ABCG4: variants seen among roughly 807,000 people sequenced by gnomAD.
ABCG4 encodes the protein ATP binding cassette subfamily G member 4.
In ABCG4, 35 loss-of-function variants were observed where a neutral mutation model predicts 64.6. The ratio of observed to expected loss-of-function variants is 0.54; its 90% confidence interval spans 0.41 to 0.72. ABCG4 has a LOEUF of 0.72. Among genes scored for constraint, ABCG4 ranks in the 30% least tolerant of loss-of-function variants. The pLI, the probability that ABCG4 is intolerant of heterozygous loss-of-function variation, is 0.00. For missense variants in ABCG4, 610 were observed against 846.3 expected (o/e 0.72, Z 3.46); for synonymous variants, 326 against 348.2 (o/e 0.94, Z 0.71).
intron 9 of ABCG4, among the ~76,000 whole-genome samples, chr11:119,157,785 G>A (rs1482022572): frequency 6.6e-6 from 1 of 152,188 alleles, no homozygotes; most frequent in Non-Finnish European, 1.5e-5. Context: ...AGAATGGCGT[G>A]AACCAGGGAG....
intron 12 of ABCG4, among the ~76,000 whole-genome samples, chr11:119,159,330 TAC>T (rs1326545933): frequency 6.6e-6 from 1 of 152,072 alleles, no homozygotes; most frequent in African/African-American, 2.4e-5. Context: ...CTACTAAAAA[TAC>T]AAAAATTAAC....
At chr11:119,153,761 T>A (rs1488662766) in intron 2 of ABCG4, 1 of 460,054 alleles carries the variant, frequency 2.2e-6, no homozygotes, top group African/African-American at 2.0e-5. Flanking sequence ...TCCACGCCCA[T>A]CCATGAGATG....
At position 119,158,830 on chromosome 11, in the gene ABCG4, C is replaced by A; in HGVS notation, c.1338C>A (p.Phe446Leu). 6.2e-7 allele frequency: 1 copy of A among 1,614,152 alleles called. No homozygotes were observed. The highest frequency in any genetic ancestry group is 8.5e-7 in the Non-Finnish European group (1 of 1,180,008). The stretch of plus-strand genomic sequence containing the variant: ...TGCCTAAGCAGCCTGTGTCCTCAGT[C>A]CCCTTAGAGATGGCGGTCTTCATGA... ...FAALMPTVLT[F>L]PLEMAVFMRE... is the part of the protein sequence containing the mutation. The change falls in exon 12 of 15, where the codon TTC becomes TTA. Residue 446 changes from phenylalanine to leucine, a missense_variant and splice_region_variant. Coordinates refer to ENST00000619701, the MANE Select transcript of ABCG4 (RefSeq NM_022169.5). This position sits in a 1 kb window ranked among gnomAD's most constrained non-coding sequence, Gnocchi z 4.5.
Position 119,162,404 on chromosome 11 carries a change from TGGGC to T in ABCG4, c.*1299_*1302del, listed in dbSNP as rs1948367035. The T allele has an allele frequency of 6.5e-6, 1 of 152,704 alleles. No homozygotes were observed. The highest frequency in any genetic ancestry group is 1.5e-5 in the Non-Finnish European group (1 of 68,104). 9.5% of individuals were successfully genotyped at this position (152,704 alleles called of 1,614,324 possible). ...ACTGTTCCTATCAGCAGGTGGCCCC[TGGGC>T]ATCAGAACAGCCTGCCCTGGGCACC... On this transcript the variant is annotated 3_prime_UTR_variant, in exon 15 of 15. Coordinates refer to ENST00000619701, the MANE Select transcript of ABCG4 (RefSeq NM_022169.5).
Position 119,156,208 on chromosome 11 carries a change from G to C in ABCG4, c.687-121G>C. The C allele has an allele frequency of 7.4e-7, 1 of 1,345,520 alleles. No homozygotes were observed. The highest frequency in any genetic ancestry group is 2.3e-5 in the East Asian group (1 of 43,414). 83.3% of individuals were successfully genotyped at this position (1,345,520 alleles called of 1,614,324 possible). A position where few individuals can be genotyped will look rare whatever the true frequency, so the allele number is the denominator to read the frequency against. ...CCTGAACCGTAAAGGATACAGATGC[G>C]GCCAGAGTGCCCTCTTCCTGCCAGC... is the stretch of plus-strand genomic sequence containing the variant. On this transcript the variant is annotated intron_variant, in intron 6 of 14. Coordinates refer to ENST00000619701, the MANE Select transcript of ABCG4 (RefSeq NM_022169.5). This position sits in a 1 kb window ranked among gnomAD's most constrained non-coding sequence, Gnocchi z 5.5.
In ABCG4 at chr11:119,154,095, C is replaced by T. The variant is rs1948230021; in HGVS notation, c.308C>T (p.Pro103Leu). The T allele has an allele frequency of 1.2e-6, 2 of 1,614,056 alleles. No homozygotes were observed. Among genetic ancestry groups the T allele is most frequent in the Admixed American group, 1.7e-5 (1 of 59,994 alleles). Residue 103 changes from proline to leucine, a missense_variant, in exon 3 of 15, where the codon CCC (proline) becomes CTC (leucine). Physicochemically the swap from Pro to Leu is moderately conservative, Grantham distance 98. Transcript: ENST00000619701. This position sits in a 1 kb window ranked among gnomAD's most constrained non-coding sequence, Gnocchi z 7.0. ...CGGGAGCTGATTGGCATCATGGGCC[C>T]CTCAGGGGCTGGCAAGTCTACATTC... is the stretch of plus-strand genomic sequence containing the variant. ...CRRELIGIMG[P>L]SGAGKSTFMN...
At position 119,156,025 on chromosome 11, in the gene ABCG4, C is replaced by G. The variant is rs1199140787; in HGVS notation, c.687-304C>G. ...GTTGCTACAGCACTTTCCACATTAC[C>G]CAAAATCATCTGTGTGCTTGTCTCT... On this transcript the variant is annotated intron_variant, in intron 6 of 14. Transcript: ENST00000619701. The surrounding 1 kb of genome is among the most constrained non-coding windows in gnomAD (Gnocchi z 5.5). 4 of 353,832 alleles carry G rather than the reference C, an allele frequency of 1.1e-5. No homozygotes were observed. Among genetic ancestry groups the G allele is most frequent in the African/African-American group, 8.3e-5 (4 of 47,940 alleles). 21.9% of individuals were successfully genotyped at this position (353,832 alleles called of 1,614,324 possible). A position where few individuals can be genotyped will look rare whatever the true frequency, so the allele number is the denominator to read the frequency against.
chr11:119,152,713 T>C (rs557243223), intron 2 of ABCG4, among the ~76,000 whole-genome samples: 1 of 152,328 alleles, frequency 6.6e-6, no homozygotes, highest in African/African-American at 2.4e-5. Context: ...ATACACATAC[T>C]TTTATATCAC....
Position 119,161,057 on chromosome 11 carries a change from G to A in ABCG4, c.1892G>A (p.Arg631Gln), listed in dbSNP as rs1320169801. 3 of 1,613,880 alleles carry A rather than the reference G, an allele frequency of 1.9e-6. No individual in the cohort carries two copies. Among genetic ancestry groups the A allele is most frequent in the Non-Finnish European group, 1.7e-6 (2 of 1,179,984 alleles). The part of the protein sequence containing the change: ...LVLGIFFLAL[R>Q]LLAYLVLRYR... ...TTGGGCATCTTCTTCCTAGCCCTGC[G>A]GCTGCTGGCCTACCTTGTGCTGCGT... Residue 631 changes from arginine (R) to glutamine (Q), a missense_variant, in exon 15 of 15, where the codon CGG becomes CAG. Arg to Gln is a conservative substitution (Grantham distance 43, BLOSUM62 1). Transcript: ENST00000619701.
Position 119,154,761 on chromosome 11 carries a change from T to C in ABCG4, c.541-9T>C. 1 of 1,602,684 alleles carries C rather than the reference T, an allele frequency of 6.2e-7. No homozygotes were observed. Among genetic ancestry groups the C allele is most frequent in the Non-Finnish European group, 8.5e-7 (1 of 1,172,074 alleles). On this transcript the variant is annotated splice_polypyrimidine_tract_variant and intron_variant, in intron 5 of 14. Transcript: ENST00000619701. This position sits in a 1 kb window ranked among gnomAD's most constrained non-coding sequence, Gnocchi z 7.0. ...CGAAGCTGACCTGGCATGGGTGGGG[T>C]GGGGCCAGGTGACAGAGATCCTGAC...
chr11:119,160,257 G>A lies in ABCG4; in HGVS notation c.1468G>A (p.Val490Met), dbSNP rs761972933. ...VVCPVVYCSI[V>M]YWMTGQPAET... ...GTGTCCGGTGGTCTACTGCAGCATT[G>A]TGTACTGGATGACGGGCCAGCCCGC... Residue 490 changes from valine to methionine, a missense_variant, in exon 13 of 15, where the codon GTG (valine) becomes ATG (methionine). Physicochemically the swap from Val to Met is conservative, Grantham distance 21. Coordinates refer to ENST00000619701, the MANE Select transcript of ABCG4 (RefSeq NM_022169.5). This position sits in a 1 kb window ranked among gnomAD's most constrained non-coding sequence, Gnocchi z 4.6. 1 of 1,613,296 alleles carries A rather than the reference G, an allele frequency of 6.2e-7. No individual in the cohort carries two copies. Among genetic ancestry groups the A allele is most frequent in the South Asian group, 1.1e-5 (1 of 91,054 alleles).
At position 119,154,373 on chromosome 11, in the gene ABCG4, C is replaced by T. The variant is rs201410516; in HGVS notation, c.470C>T (p.Thr157Met). ...GATGACATGCTGCTGCCGCACCTCACGGTGTTGGAAGCCATGATGGTGAGG... is the reference window on the plus strand; with the variant it reads ...GATGACATGCTGCTGCCGCACCTCATGGTGTTGGAAGCCATGATGGTGAGG... ...MQDDMLLPHL[T>M]VLEAMMVSAN... Residue 157 changes from threonine (T) to methionine (M), a missense_variant, in exon 4 of 15, where the codon ACG becomes ATG. Thr to Met is a moderately conservative substitution (Grantham distance 81). Transcript: ENST00000619701. This position sits in a 1 kb window ranked among gnomAD's most constrained non-coding sequence, Gnocchi z 7.0. The T allele has an allele frequency of 8.1e-6, 13 of 1,614,188 alleles. No individual in the cohort carries two copies. Among genetic ancestry groups the T allele is most frequent in the Middle Eastern group, 1.6e-4 (1 of 6,062 alleles).
rs373967810 is a variant in ABCG4 at position 119,155,983 on chromosome 11, C to A, written c.687-346C>A. Reference sequence around the variant, plus strand: ...CCTGCTACAGCTGAGCTGAATCCGCCCCCTCTTTCACCCAGTGTTGCTACA... The same window carrying A: ...CCTGCTACAGCTGAGCTGAATCCGCACCCTCTTTCACCCAGTGTTGCTACA... On this transcript the variant is annotated intron_variant, in intron 6 of 14. Coordinates refer to ENST00000619701, the MANE Select transcript of ABCG4 (RefSeq NM_022169.5). The surrounding 1 kb of genome is among the most constrained non-coding windows in gnomAD (Gnocchi z 4.5). The A allele has an allele frequency of 5.6e-5, 15 of 268,740 alleles. No individual in the cohort carries two copies. In the South Asian group the frequency reaches 6.5e-4, roughly 12 times the overall value. 16.6% of individuals were successfully genotyped at this position (268,740 alleles called of 1,614,324 possible).
intron 9 of ABCG4, among the ~76,000 whole-genome samples, chr11:119,157,414 A>G (rs1478268655): frequency 6.6e-6 from 1 of 152,240 alleles, no homozygotes; most frequent in East Asian, 1.9e-4. Flanking sequence ...AGATAATCAC[A>G]TAAAGCTCTT....
At position 119,154,516 on chromosome 11, in the gene ABCG4, G is replaced by C; in HGVS notation, c.490-9G>C. On this transcript the variant is annotated splice_polypyrimidine_tract_variant and intron_variant, in intron 4 of 14. Coordinates refer to ENST00000619701, the MANE Select transcript of ABCG4 (RefSeq NM_022169.5). The surrounding 1 kb of genome is among the most constrained non-coding windows in gnomAD (Gnocchi z 7.0). ...CACATACTTTTCTTGCTTACTCTCT[G>C]GGCCCCAGGTCTCTGCTAACCTGAA... 1.9e-6 allele frequency: 3 copies of C among 1,614,130 alleles called. No individual in the cohort carries two copies. The highest frequency in any genetic ancestry group is 2.5e-6 in the Non-Finnish European group (3 of 1,180,014).
In ABCG4 at chr11:119,156,918, G is replaced by A; in HGVS notation, c.972G>A (p.Leu324=). 4.3e-6 allele frequency: 7 copies of A among 1,613,982 alleles called. No homozygotes were observed. Among genetic ancestry groups the A allele is most frequent in the Non-Finnish European group, 5.9e-6 (7 of 1,179,940 alleles). Residue 324 remains leucine, a synonymous_variant, in exon 9 of 15, where the codon TTG becomes TTA. Coordinates refer to ENST00000619701, the MANE Select transcript of ABCG4 (RefSeq NM_022169.5). The surrounding 1 kb of genome is among the most constrained non-coding windows in gnomAD (Gnocchi z 5.5). ...AGTATGGAGACCTGAACCCCATGTT[G>A]TTCAGGGCTGTGCAGAATGGGCTGT... is the stretch of plus-strand genomic sequence containing the variant. ...SGEYGDLNPM[L]FRAVQNGLCA...
rs957778752 is a variant in ABCG4 at position 119,160,366 on chromosome 11, C to T, written c.1577C>T (p.Ala526Val). Residue 526 changes from alanine (A) to valine (V), a missense_variant, in exon 13 of 15, where the codon GCT (alanine) becomes GTT (valine). Transcript: ENST00000619701. This position sits in a 1 kb window ranked among gnomAD's most constrained non-coding sequence, Gnocchi z 4.6. The part of the protein sequence containing the change: ...VAQSLGLLIG[A>V]ASNSLQVATF... ...CAATCTTTGGGGCTGCTGATCGGAG[C>T]TGCTTCCAACTCCCTACAGGTGGGA... The T allele has an allele frequency of 5.6e-6, 9 of 1,611,040 alleles. No individual in the cohort carries two copies. Among genetic ancestry groups the T allele is most frequent in the Non-Finnish European group, 6.8e-6 (8 of 1,177,676 alleles).
rs1948323548 is a variant in ABCG4 at position 119,160,026 on chromosome 11, GA to G, written c.1438-200del. Among the ~76,000 whole-genome samples, 1 of 151,854 alleles carries G rather than the reference GA, an allele frequency of 6.6e-6. No homozygotes were observed. Among genetic ancestry groups the G allele is most frequent in the South Asian group, 2.1e-4 (1 of 4,798 alleles). On this transcript the variant is annotated intron_variant, in intron 12 of 14. Coordinates refer to ENST00000619701, the MANE Select transcript of ABCG4 (RefSeq NM_022169.5). The surrounding 1 kb of genome is among the most constrained non-coding windows in gnomAD (Gnocchi z 4.6). ...TCAGGGTGGACCAAACGGAAGACGTGAGACGAGATAAGTGATGGTCATATGG... is the reference window on the plus strand; with the variant it reads ...TCAGGGTGGACCAAACGGAAGACGTGGACGAGATAAGTGATGGTCATATGG...
At position 119,161,241 on chromosome 11, in the gene ABCG4, A is replaced by C; in HGVS notation, c.*135A>C. ...TCCTCTCCTCCCTTGGCTCCTCCAC[A>C]GGCTGGCTGTCGGACTGCGCTCCCA... On this transcript the variant is annotated 3_prime_UTR_variant, in exon 15 of 15. Transcript: ENST00000619701. 1.2e-6 allele frequency: 1 copy of C among 808,826 alleles called. No individual in the cohort carries two copies. Among genetic ancestry groups the C allele is most frequent in the Non-Finnish European group, 1.9e-6 (1 of 527,886 alleles). The allele number at this position is 808,826 out of a possible 1,614,324, so 50.1% of individuals were successfully genotyped here. A position where few individuals can be genotyped will look rare whatever the true frequency, so the allele number is the denominator to read the frequency against.
Sources: gnomAD v4.1 joint callset for allele counts (sites outside exome capture counted in the v4.1 genomes callset) on GRCh38, gnomAD v4.1.1 for gene constraint, Gnocchi (gnomAD v3.1) non-coding constraint, MANE v1.5 for transcripts, NCBI Gene and HGNC (gene_info 2026-07-23, HGNC 2026-07-21) for gene names.